SCAPER: variants seen among roughly 807,000 people sequenced by gnomAD.
SCAPER encodes S phase cyclin A-associated protein in the endoplasmic reticulum.
SCAPER carries 98 observed loss-of-function variants against 182.2 expected under a neutral mutation model. That is an observed-to-expected ratio of 0.54 (90% confidence interval 0.46 to 0.64). The LOEUF (loss-of-function observed/expected upper bound fraction) is 0.64, where lower values mean the gene tolerates loss of function less well. SCAPER is among the 30% of genes least tolerant of loss of function. The pLI is 0.00. For synonymous variants in SCAPER, 605 were observed against 564.6 expected (o/e 1.07, Z -1.01); for missense variants, 1,432 against 1,690.0 (o/e 0.85, Z 2.68).
intron 24 of SCAPER, among the ~76,000 whole-genome samples, chr15:76,477,936 AT>A (rs978122569): frequency 1.8e-4 from 26 of 145,636 alleles, no homozygotes; most frequent in South Asian, 6.4e-4. Flanking sequence ...TGCTATCTTA[AT>A]TTTTTTTTTT....
At chr15:76,885,929 T>C (rs957076778) in intron 1 of SCAPER, among the ~76,000 whole-genome samples, 4 of 152,230 alleles carry the variant, frequency 2.6e-5, no homozygotes, top group African/African-American at 4.8e-5. Flanking sequence ...GCTGATTTCA[T>C]ATCTTTACTA....
At chr15:76,392,759 C>T (rs2043793451) in intron 27 of SCAPER, among the ~76,000 whole-genome samples, 1 of 152,176 alleles carries the variant, frequency 6.6e-6, no homozygotes, top group African/African-American at 2.4e-5. Context: ...AAACTGAGCC[C>T]ACATCTTTCT....
intron 26 of SCAPER, among the ~76,000 whole-genome samples, chr15:76,425,783 G>C (rs2046382397): frequency 6.6e-6 from 1 of 152,184 alleles, no homozygotes; most frequent in Admixed American, 6.5e-5. Context: ...GTGACGTACA[G>C]ATGGGGTTTT....
intron 24 of SCAPER, among the ~76,000 whole-genome samples, chr15:76,480,775 G>C (rs2051052408): frequency 6.6e-6 from 1 of 152,000 alleles, no homozygotes; most frequent in Admixed American, 6.5e-5. Flanking sequence ...CTGTCACCCA[G>C]GCTGGAGTGC....
At chr15:76,815,529 A>G (rs1051315157) in intron 5 of SCAPER, among the ~76,000 whole-genome samples, 1 of 152,222 alleles carries the variant, frequency 6.6e-6, no homozygotes, top group African/African-American at 2.4e-5. Flanking sequence ...TGGATGGTAC[A>G]GCCTACTACA....
At chr15:76,390,352 A>G (rs1365774819) in intron 27 of SCAPER, among the ~76,000 whole-genome samples, 1 of 152,226 alleles carries the variant, frequency 6.6e-6, no homozygotes, top group African/African-American at 2.4e-5. Flanking sequence ...AACAACCTGG[A>G]AGAGGCTGAA....
At chr15:76,810,576 CAAA>C (rs1445538982) in intron 5 of SCAPER, among the ~76,000 whole-genome samples, 2 of 131,812 alleles carry the variant, frequency 1.5e-5, no homozygotes, top group Non-Finnish European at 3.3e-5. Flanking sequence ...CACACACACA[CAAA>C]AGAAGAGAGC....
intron 23 of SCAPER, among the ~76,000 whole-genome samples, chr15:76,571,476 A>G (rs2047430189): frequency 6.6e-6 from 1 of 152,162 alleles, no homozygotes; most frequent in South Asian, 2.1e-4. Context: ...TACAAAACCC[A>G]GGTCTCCTCA....
intron 21 of SCAPER, among the ~76,000 whole-genome samples, chr15:76,647,305 G>C (rs953800260): frequency 6.6e-6 from 1 of 152,156 alleles, no homozygotes; most frequent in Non-Finnish European, 1.5e-5. Flanking sequence ...GACAATTTTT[G>C]CTTCCAGCCA....
intron 29 of SCAPER, among the ~76,000 whole-genome samples, chr15:76,370,306 T>G (rs1469948978): frequency 6.8e-6 from 1 of 146,594 alleles, no homozygotes; most frequent in African/African-American, 2.6e-5. Context: ...TTTTTTTTTT[T>G]TTTTTTTTTT....
At chr15:76,591,346 C>T (rs2049093507) in intron 22 of SCAPER, among the ~76,000 whole-genome samples, 1 of 152,026 alleles carries the variant, frequency 6.6e-6, no homozygotes, top group Non-Finnish European at 1.5e-5. Context: ...TACATATATA[C>T]AATGTCATAT....
At chr15:76,657,588 C>CAAAAAAAAAAAAAAAA (rs35243291) in intron 21 of SCAPER, among the ~76,000 whole-genome samples, 2 of 129,858 alleles carry the variant, frequency 1.5e-5, no homozygotes, top group African/African-American at 2.9e-5. Context: ...GACACAACAA[C>CAAAAAAAAAAAAAAAA]AAAAAAAAAA....
At chr15:76,859,101 G>C (rs886881600) in intron 3 of SCAPER, among the ~76,000 whole-genome samples, 3 of 152,244 alleles carry the variant, frequency 2.0e-5, no homozygotes, top group Non-Finnish European at 4.4e-5. Context: ...CAGTGTGTAA[G>C]TGTTCCTTTT....
intron 15 of SCAPER, among the ~76,000 whole-genome samples, chr15:76,737,912 C>T (rs2061355101): frequency 6.6e-6 from 1 of 152,138 alleles, no homozygotes; most frequent in Non-Finnish European, 1.5e-5. Context: ...TGGAAGTAGT[C>T]GGGATCTTAC....
chr15:76,361,039 G>C (rs62028375), intron 29 of SCAPER, among the ~76,000 whole-genome samples: 2 of 149,358 alleles, frequency 1.3e-5, no homozygotes, highest in African/African-American at 4.9e-5. Context: ...AAAAAAAAAG[G>C]AAAGTGGAGG....
intron 25 of SCAPER, among the ~76,000 whole-genome samples, chr15:76,442,522 C>T (rs1192832722): frequency 6.6e-6 from 1 of 152,222 alleles, no homozygotes; most frequent in East Asian, 1.9e-4. Flanking sequence ...ACCAGCATGA[C>T]TTGTGAGTAT....
chr15:76,487,277 C>T (rs1301402710), intron 24 of SCAPER, among the ~76,000 whole-genome samples: 1 of 151,034 alleles, frequency 6.6e-6, no homozygotes, highest in Non-Finnish European at 1.5e-5. Flanking sequence ...TACTACAAAC[C>T]CCCATGACAC....
chr15:76,502,360 G>GGCA (rs772983145), intron 24 of SCAPER, among the ~76,000 whole-genome samples: 2 of 152,096 alleles, frequency 1.3e-5, no homozygotes, highest in Non-Finnish European at 2.9e-5. Context: ...AGAAAAATGT[G>GGCA]GCACATATAC....
chr15:76,874,056 C>T (rs539995042), intron 2 of SCAPER, among the ~76,000 whole-genome samples: 1 of 152,216 alleles, frequency 6.6e-6, no homozygotes, highest in Admixed American at 6.5e-5. Flanking sequence ...CCACGCCTGG[C>T]TAATTTACTG....
Sources: allele counts gnomAD v4.1 joint callset (sites outside exome capture counted in the v4.1 genomes callset), GRCh38; gene constraint gnomAD v4.1.1; transcripts MANE v1.5; gene names NCBI Gene and HGNC (gene_info 2026-07-23, HGNC 2026-07-21).